RBFOX1: variants seen among roughly 807,000 people sequenced by gnomAD.
The protein encoded by RBFOX1 is RNA binding fox-1 homolog 1.
A neutral mutation model predicts 57.7 loss-of-function variants in RBFOX1; 8 were observed. That is an observed-to-expected ratio of 0.14 (90% confidence interval 0.08 to 0.25). The LOEUF (loss-of-function observed/expected upper bound fraction) is 0.25, where lower values mean the gene tolerates loss of function less well. Ranked by LOEUF, RBFOX1 falls within the 10% of genes least tolerant of loss-of-function variation. RBFOX1 has a pLI of 1.00. For synonymous variants in RBFOX1, 326 were observed against 222.4 expected (o/e 1.47, Z -4.15); for missense variants, 611 against 548.5 (o/e 1.11, Z -1.14).
In RBFOX1 at chr16:6,499,376, T is replaced by TA. The variant is rs202069512; in HGVS notation, c.-63-155217dup. On this transcript the variant is annotated intron_variant, in intron 2 of 15. Coordinates refer to ENST00000550418, the MANE Select transcript of RBFOX1 (RefSeq NM_018723.4). The stretch of plus-strand genomic sequence containing the variant: ...TATAGACACCACAAACAGCCATGTG[T>TA]AAAAAAAAAAGGTATGAAAAATCTT... Among the ~76,000 whole-genome samples the TA allele has an allele frequency of 5.8e-3, 862 of 148,234 alleles. 24 individuals carry two copies. The East Asian group carries it at 0.097, about 17-fold the overall frequency.
chr16:6,866,666 C>G (rs1055911575), intron 3 of RBFOX1, among the ~76,000 whole-genome samples: 3 of 150,864 alleles, frequency 2.0e-5, no homozygotes, highest in African/African-American at 4.9e-5. Context: ...CTCAGCCTTC[C>G]GAGTAGCTGG....
chr16:6,191,184 C>T (rs1344475930), intron 1 of RBFOX1, among the ~76,000 whole-genome samples: 5 of 148,582 alleles, frequency 3.4e-5, no homozygotes, highest in African/African-American at 9.9e-5. Flanking sequence ...CTACAGTCGC[C>T]TCCATTGCTG....
intron 14 of RBFOX1, among the ~76,000 whole-genome samples, chr16:7,707,257 G>C (rs2082754845): frequency 6.6e-6 from 1 of 152,038 alleles, no homozygotes; most frequent in African/African-American, 2.4e-5. Flanking sequence ...TTCCACCTAG[G>C]GTCTAACTTG....
intron 3 of RBFOX1, among the ~76,000 whole-genome samples, chr16:5,664,715 G>C (rs2049774748): frequency 6.6e-6 from 1 of 152,110 alleles, no homozygotes; most frequent in Non-Finnish European, 1.5e-5. Flanking sequence ...TTCCTAAGTG[G>C]GAAATACTGA....
intron 3 of RBFOX1, among the ~76,000 whole-genome samples, chr16:5,690,993 G>C (rs1249023414): frequency 6.6e-6 from 1 of 152,146 alleles, no homozygotes; most frequent in East Asian, 1.9e-4. Flanking sequence ...ATCCAGTGCA[G>C]CCCAATAATC....
chr16:5,864,252 G>C (rs2057293938), intron 3 of RBFOX1, among the ~76,000 whole-genome samples: 1 of 152,218 alleles, frequency 6.6e-6, no homozygotes, highest in Admixed American at 6.5e-5. Flanking sequence ...ATTCACAGCA[G>C]CAAAGACAAG....
chr16:7,650,896 T>C, intron 11 of RBFOX1, among the ~76,000 whole-genome samples: 1 of 152,158 alleles, frequency 6.6e-6, no homozygotes, highest in East Asian at 1.9e-4. Context: ...GCGTCTCATC[T>C]CTCATTACTT....
chr16:6,658,777 C>T (rs1405859349), intron 3 of RBFOX1, among the ~76,000 whole-genome samples: 3 of 152,096 alleles, frequency 2.0e-5, no homozygotes, highest in African/African-American at 7.2e-5. Flanking sequence ...CGCCAATTAG[C>T]AGAGCCCCTA....
At chr16:6,233,069 T>G (rs1444188986) in intron 1 of RBFOX1, among the ~76,000 whole-genome samples, 1 of 152,080 alleles carries the variant, frequency 6.6e-6, no homozygotes, top group East Asian at 1.9e-4. Context: ...AACAGGGAAA[T>G]TCTTGTAGTT....
chr16:7,421,545 A>G (rs1355818999), intron 4 of RBFOX1, among the ~76,000 whole-genome samples: 2 of 152,194 alleles, frequency 1.3e-5, no homozygotes, highest in East Asian at 1.9e-4. Flanking sequence ...AGGTCTGATG[A>G]TATTACTGCT....
rs934861809 is a variant in RBFOX1, at chr16:5,921,492, G to A, written c.351+54157G>A. ...TTATCTGACTTGACTGAGAAGGACC[G>A]ATGAGGGCATCAAGATGAAATTGAT... On this transcript the variant is annotated intron_variant, in intron 4 of 19. Coordinates refer to the RBFOX1 transcript ENST00000641259. 3.9e-5 allele frequency among the ~76,000 whole-genome samples: 6 copies of A among 152,256 alleles called. No homozygotes were observed. In the South Asian group the frequency reaches 8.3e-4, roughly 21 times the overall value.
At chr16:6,459,768 G>T (rs1477967255) in intron 2 of RBFOX1, among the ~76,000 whole-genome samples, 2 of 151,672 alleles carry the variant, frequency 1.3e-5, no homozygotes, top group African/African-American at 4.8e-5. Context: ...CCTGAGATTG[G>T]GAGTTTGAGA....
chr16:5,297,423 A>G (rs2063696367), intron 1 of RBFOX1, among the ~76,000 whole-genome samples: 1 of 152,104 alleles, frequency 6.6e-6, no homozygotes, highest in African/African-American at 2.4e-5. Context: ...CATCTTTTTT[A>G]TCATAGTCGT....
At chr16:6,963,367 A>G (rs1017210973) in intron 3 of RBFOX1, among the ~76,000 whole-genome samples, 22 of 152,096 alleles carry the variant, frequency 1.4e-4, no homozygotes, top group African/African-American at 5.1e-4. Context: ...TCGAACCTCT[A>G]TTTTTAGAAT....
intron 2 of RBFOX1, among the ~76,000 whole-genome samples, chr16:6,455,563 A>G (rs1188406700): frequency 2.0e-5 from 3 of 152,204 alleles, no homozygotes; most frequent in Non-Finnish European, 4.4e-5. Flanking sequence ...CGATCACCAT[A>G]AAACTATGAC....
chr16:7,395,964 T>C (rs1361535572), intron 4 of RBFOX1, among the ~76,000 whole-genome samples: 2 of 152,116 alleles, frequency 1.3e-5, no homozygotes, highest in African/African-American at 2.4e-5. Context: ...AAGATAATTA[T>C]GTGTTGGGAG....
intron 1 of RBFOX1, among the ~76,000 whole-genome samples, chr16:5,388,792 G>C (rs1214557169): frequency 6.6e-6 from 1 of 151,838 alleles, no homozygotes; most frequent in Non-Finnish European, 1.5e-5. Context: ...GGTCAGGCTG[G>C]TCTCGAGCTC....
chr16:5,747,569 G>C (rs1225660409), intron 3 of RBFOX1, among the ~76,000 whole-genome samples: 1 of 152,112 alleles, frequency 6.6e-6, no homozygotes, highest in Non-Finnish European at 1.5e-5. Context: ...CCTGTGATTC[G>C]TCTGTTCAGG....
Position 5,730,828 on chromosome 16 carries a change from C to T in RBFOX1, c.318+131867C>T, listed in dbSNP as rs141546244. Among the ~76,000 whole-genome samples the T allele has an allele frequency of 3.9e-4, 60 of 152,108 alleles. No individual in the cohort carries two copies. The East Asian group carries it at 0.011, about 28-fold the overall frequency. On this transcript the variant is annotated intron_variant, in intron 3 of 19. Coordinates refer to the RBFOX1 transcript ENST00000641259. ...AACATCAACACTGCCATTGTCACCA[C>T]CATTATCATCATCATTGTCATTATC...
Sources: allele counts gnomAD v4.1 joint callset (sites outside exome capture counted in the v4.1 genomes callset), GRCh38; gene constraint gnomAD v4.1.1; transcripts MANE v1.5; gene names NCBI Gene and HGNC (gene_info 2026-07-23, HGNC 2026-07-21).